The following TRRAP variants were observed in gnomAD, a reference collection of about 807,000 sequenced individuals.
TRRAP encodes transformation/transcription domain-associated protein.
In TRRAP, 41 loss-of-function variants were observed where a neutral mutation model predicts 438.8. That is an observed-to-expected ratio of 0.09 (90% CI 0.07 to 0.12). TRRAP has a LOEUF of 0.12. Ranked by LOEUF, TRRAP falls within the 10% of genes least tolerant of loss-of-function variation. TRRAP has a pLI of 1.00. For missense variants in TRRAP, 3,122 were observed against 5,055.1 expected, an observed-to-expected ratio of 0.62 and a Z score of 11.60; for synonymous variants, 1,994 against 1,962.9, an observed-to-expected ratio of 1.02 and a Z score of -0.42.
intron 17 of TRRAP, 83 bp from the exon 18 acceptor site, chr7:98,911,939 T>C: frequency 7.8e-7 from 1 of 1,286,438 alleles, no homozygotes; most frequent in Non-Finnish European, 1.1e-6. Context: ...CTTGGTTTTA[T>C]GTTTTTTGAA....
chr7:98,950,899 T>G lies in TRRAP; in HGVS notation c.5358T>G (p.Pro1786=). 6.3e-7 allele frequency: 1 copy of G among 1,579,040 alleles called. No homozygotes were observed. The highest frequency in any genetic ancestry group is 8.6e-7 in the Non-Finnish European group (1 of 1,168,240). ...KAKVLQHILN[P]AFLYSFEKGE... is the part of the protein sequence containing the mutation. ...AGGTTCTGCAGCATATCTTGAATCC[T>G]GCTTTCTTGTACAGCTTTGAGAAGG... The change falls in exon 39 of 73, where the codon CCT becomes CCG. Residue 1786 remains proline (P), a synonymous_variant. Coordinates refer to ENST00000456197, the MANE Select transcript of TRRAP (RefSeq NM_001375524.1).
intron 62 of TRRAP, among the ~76,000 whole-genome samples, chr7:98,986,303 G>A (rs1793148593): frequency 6.6e-6 from 1 of 152,102 alleles, no homozygotes; most frequent in Admixed American, 6.5e-5. Flanking sequence ...ATATACCTGG[G>A]GACAGAATAT....
chr7:98,938,558 AATAT>A (rs35732369), intron 30 of TRRAP, among the ~76,000 whole-genome samples: 1 of 151,358 alleles, frequency 6.6e-6, no homozygotes, highest in Admixed American at 6.6e-5. Flanking sequence ...AAGGGGGTAC[AATAT>A]ATATATACAC....
In TRRAP at chr7:99,005,144, G is replaced by A. The variant is rs1188308089; in HGVS notation, c.10549G>A (p.Val3517Ile). The A allele has an allele frequency of 6.2e-7, 1 of 1,613,514 alleles. No homozygotes were observed. Among genetic ancestry groups the A allele is most frequent in the Non-Finnish European group, 8.5e-7 (1 of 1,179,994 alleles). ...YIKIARFMPR[V>I]EIVQKHNTAA... is the part of the protein sequence containing the mutation. ...TCGCTCTGGCAGGTTCATGCCCCGG[G>A]TAGAGATTGTGCAGAAGCACAACAC... is the stretch of plus-strand genomic sequence containing the variant. Residue 3517 changes from valine to isoleucine, a missense_variant, in exon 69 of 73, where the codon GTA becomes ATA. Coordinates refer to ENST00000456197, the MANE Select transcript of TRRAP (RefSeq NM_001375524.1). This position sits in a 1 kb window ranked among gnomAD's most constrained non-coding sequence, Gnocchi z 5.1.
intron 56 of TRRAP, 84 bp from the exon 57 acceptor site, chr7:98,978,127 C>A: frequency 7.8e-7 from 1 of 1,276,054 alleles, no homozygotes; most frequent in Non-Finnish European, 1.1e-6. Flanking sequence ...TCTCAAAAAA[C>A]TTAGTTCTAA....
At position 98,976,246 on chromosome 7, in the gene TRRAP, T is replaced by G. The variant is rs1792651729; in HGVS notation, c.7937T>G (p.Ile2646Ser). The G allele has an allele frequency of 1.2e-6, 2 of 1,614,100 alleles. No homozygotes were observed. Among genetic ancestry groups the G allele is most frequent in the Admixed American group, 1.7e-5 (1 of 59,998 alleles). ...WVQLFPRLWKILSDRQQHALA... is the reference protein window; with the variant it reads ...WVQLFPRLWKSLSDRQQHALA... ...CAGCTTTTCCCCAGATTGTGGAAGA[T>G]CCTCTCTGACAGACAGCAGCATGTG... The change falls in exon 54 of 73, where the codon ATC becomes AGC. Residue 2646 changes from isoleucine to serine, a missense_variant. By Grantham distance (142) the Ile-to-Ser change is moderately radical. This residue lies in a region of TRRAP where 992 missense variants were observed against 1,281.2 expected (regional missense o/e 0.77). Coordinates refer to ENST00000456197, the MANE Select transcript of TRRAP (RefSeq NM_001375524.1). This position sits in a 1 kb window ranked among gnomAD's most constrained non-coding sequence, Gnocchi z 4.6.
At chr7:99,000,700 G>A (rs1364057880) in intron 67 of TRRAP, among the ~76,000 whole-genome samples, 1 of 152,264 alleles carries the variant, frequency 6.6e-6, no homozygotes, top group Non-Finnish European at 1.5e-5. Context: ...AGGGCGCTGT[G>A]TGGGCCTGTG....
intron 67 of TRRAP, chr7:98,998,917 G>C (rs930568429): frequency 2.0e-6 from 1 of 492,270 alleles, no homozygotes; most frequent in African/African-American, 1.9e-5. Flanking sequence ...CCCATGGTAG[G>C]TCAGTCTGCA....
intron 53 of TRRAP, among the ~76,000 whole-genome samples, chr7:98,975,723 A>G (rs1487886442): frequency 6.6e-6 from 1 of 152,212 alleles, no homozygotes; most frequent in African/African-American, 2.4e-5. Context: ...CTTCAGAATA[A>G]TACCTGTTGG....
At position 98,984,178 on chromosome 7, in the gene TRRAP, G is replaced by A. The variant is rs746931138; in HGVS notation, c.9108G>A (p.Ala3036=). The change falls in exon 61 of 73, where the codon GCG becomes GCA. Residue 3036 remains alanine, a synonymous_variant. Transcript: ENST00000456197. ...AMLGVHASAS[A]IIQYGKIARK... Reference sequence around the variant, plus strand: ...TTGGGGTTCATGCATCAGCTTCAGCGATCATCCAGTATGGAAAAATCGCCC... The same window carrying A: ...TTGGGGTTCATGCATCAGCTTCAGCAATCATCCAGTATGGAAAAATCGCCC... 8.7e-6 allele frequency: 14 copies of A among 1,613,972 alleles called. No homozygotes were observed. In the Admixed American group the frequency reaches 1.2e-4, roughly 13 times the overall value.
intron 39 of TRRAP, among the ~76,000 whole-genome samples, chr7:98,952,568 G>A (rs782142454): frequency 8.5e-5 from 13 of 152,120 alleles, no homozygotes; most frequent in African/African-American, 2.2e-4. Flanking sequence ...TATCTGAGAC[G>A]GATCTCAATC....
At position 98,953,031 on chromosome 7, in the gene TRRAP, TTGTGTGTG is replaced by T. The variant is rs57047314; in HGVS notation, c.5464-94_5464-87del. 3,705 of 1,167,662 alleles carry T rather than the reference TTGTGTGTG, an allele frequency of 3.2e-3. 31 individuals carry two copies. The African/African-American group carries it at 0.044, about 14-fold the overall frequency. 72.3% of individuals were successfully genotyped at this position (1,167,662 alleles called of 1,614,324 possible). A position where few individuals can be genotyped will look rare whatever the true frequency, so the allele number is the denominator to read the frequency against. On this transcript the variant is annotated intron_variant, in intron 39 of 72. Transcript: ENST00000456197. ...CCTCCTTGTAAAACTTCATGTTACA[TTGTGTGTG>T]TGTGTGTGTGTGTGTGTGTGTGTGT...
intron 4 of TRRAP, among the ~76,000 whole-genome samples, chr7:98,891,031 A>G (rs1250575240): frequency 6.7e-6 from 1 of 150,186 alleles, no homozygotes; most frequent in Non-Finnish European, 1.5e-5. Flanking sequence ...CTTGAGCTCA[A>G]TAGATCCTCC....
chr7:98,965,620 C>A, intron 48 of TRRAP, 76 bp from the exon 49 acceptor site: 1 of 1,594,706 alleles, frequency 6.3e-7, no homozygotes, highest in Non-Finnish European at 8.6e-7. Flanking sequence ...CCCAGCATGC[C>A]AGGCAAGGCT....
Position 98,915,603 on chromosome 7 carries a change from G to T in TRRAP, c.2200-120G>T, listed in dbSNP as rs1159438277. 2.4e-6 allele frequency: 3 copies of T among 1,265,552 alleles called. No individual in the cohort carries two copies. The East Asian group carries it at 7.2e-5, about 30-fold the overall frequency. The allele number at this position is 1,265,552 out of a possible 1,614,324, so 78.4% of individuals were successfully genotyped here. On this transcript the variant is annotated intron_variant, in intron 18 of 72. Coordinates refer to ENST00000456197, the MANE Select transcript of TRRAP (RefSeq NM_001375524.1). ...TATGCTTGTTTGGTTTTTTCCCTTT[G>T]GAGTAAACACATCAGAATTGCCTTC...
At chr7:98,880,046 C>G (rs906578941) in intron 1 of TRRAP, among the ~76,000 whole-genome samples, 18 of 152,188 alleles carry the variant, frequency 1.2e-4, no homozygotes, top group Admixed American at 1.3e-4. Context: ...TGTGTGTCAG[C>G]TGGGAGCAGC....
intron 44 of TRRAP, 135 bp downstream of exon 44, chr7:98,958,226 T>G (rs1176336083): frequency 1.4e-6 from 1 of 702,982 alleles, no homozygotes; most frequent in African/African-American, 1.8e-5. Flanking sequence ...GTTCTGTCAT[T>G]TTCGTATCAA....
In TRRAP at chr7:98,929,928, G is replaced by A; in HGVS notation, c.3176-61G>A. The A allele has an allele frequency of 3.2e-6, 5 of 1,548,948 alleles. No homozygotes were observed. In the South Asian group the frequency reaches 5.7e-5, roughly 18 times the overall value. On this transcript the variant is annotated intron_variant, in intron 23 of 72. Coordinates refer to ENST00000456197, the MANE Select transcript of TRRAP (RefSeq NM_001375524.1). ...GTTTCTAACTTCAAGGAAAACATTG[G>A]GGAGTTCTGCAGTTTGAGGGACAAG...
rs757681421 is a variant in TRRAP, at chr7:98,976,141, G to C, written c.7840-8G>C. The stretch of plus-strand genomic sequence containing the variant: ...GGCCATCTCAGCCTGTTGTCTTTCT[G>C]TTCATAGACTGGAGCGCTGCTCAGC... On this transcript the variant is annotated splice_polypyrimidine_tract_variant and splice_region_variant and intron_variant, in intron 53 of 72. Transcript: ENST00000456197. The surrounding 1 kb of genome is among the most constrained non-coding windows in gnomAD (Gnocchi z 4.6). 2 of 1,613,612 alleles carry C rather than the reference G, an allele frequency of 1.2e-6. No individual in the cohort carries two copies. The highest frequency in any genetic ancestry group is 2.7e-5 in the African/African-American group (2 of 74,936).
Sources: gnomAD v4.1 joint callset for allele counts (sites outside exome capture counted in the v4.1 genomes callset) on GRCh38, gnomAD v4.1.1 for gene constraint, gnomAD v4.1.1 regional missense constraint, Gnocchi (gnomAD v3.1) non-coding constraint, MANE v1.5 for transcripts, NCBI Gene and HGNC (gene_info 2026-07-23, HGNC 2026-07-21) for gene names.